The following INSIG1 variants were observed in gnomAD, a reference collection of about 807,000 sequenced individuals.
INSIG1 encodes insulin induced gene 1.
In INSIG1, 14 loss-of-function variants were observed where a neutral mutation model predicts 26.5. That is an observed-to-expected ratio of 0.53 (90% confidence interval 0.35 to 0.83). The LOEUF is 0.83. INSIG1 is among the 40% of genes least tolerant of loss of function. INSIG1 has a pLI of 0.01. For synonymous variants in INSIG1, 147 were observed against 153.3 expected, an observed-to-expected ratio of 0.96 and a Z score of 0.30; for missense variants, 272 against 368.9, an observed-to-expected ratio of 0.74 and a Z score of 2.15.
At chr7:155,306,486 T>G (rs192234989) in intron 5 of INSIG1, among the ~76,000 whole-genome samples, 9 of 152,344 alleles carry the variant, frequency 5.9e-5, no homozygotes, top group Middle Eastern at 6.8e-3. Context: ...CCCACCTCAG[T>G]GTCAGCTTGG....
Position 155,300,989 on chromosome 7 carries a change from G to A in INSIG1, c.413-577G>A, listed in dbSNP as rs931766411. Among the ~76,000 whole-genome samples, 5 of 152,270 alleles carry A rather than the reference G, an allele frequency of 3.3e-5. No homozygotes were observed. The East Asian group carries it at 5.8e-4, about 18-fold the overall frequency. On this transcript the variant is annotated intron_variant, in intron 2 of 5. Coordinates refer to ENST00000340368, the MANE Select transcript of INSIG1 (RefSeq NM_005542.6). Reference sequence around the variant, plus strand: ...GTGCACAGTAGGTGCTCAGTGCCTCGTACAGAACATGCTAGAACCCCCGAA... The same window carrying A: ...GTGCACAGTAGGTGCTCAGTGCCTCATACAGAACATGCTAGAACCCCCGAA...
Position 155,302,757 on chromosome 7 carries a change from C to G in INSIG1, c.715C>G (p.Pro239Ala). 6.2e-7 allele frequency: 1 copy of G among 1,608,618 alleles called. No homozygotes were observed. Among genetic ancestry groups the G allele is most frequent in the Non-Finnish European group, 8.5e-7 (1 of 1,175,350 alleles). Residue 239 changes from proline to alanine, a missense_variant, in exon 5 of 6, where the codon CCA becomes GCA. Pro to Ala is a conservative substitution (Grantham distance 27, BLOSUM62 -1). This residue lies in a region of INSIG1 where 111 missense variants were observed against 189.8 expected (regional missense o/e 0.58). Transcript: ENST00000340368. This position sits in a 1 kb window ranked among gnomAD's most constrained non-coding sequence, Gnocchi z 4.3. ...VYNGVYQYTS[P>A]DFLYIRSWLP... The stretch of plus-strand genomic sequence containing the variant: ...CTTTTCTCGCTCCAGGTATACATCC[C>G]CAGATTTCCTCTATATTCGTTCTTG...
At chr7:155,306,178 T>C (rs1797930684) in intron 5 of INSIG1, among the ~76,000 whole-genome samples, 2 of 152,174 alleles carry the variant, frequency 1.3e-5, no homozygotes, top group African/African-American at 4.8e-5. Context: ...TTTTCTGTTT[T>C]TAGTAGAGAC....
Position 155,308,695 on chromosome 7 carries a change from G to A in INSIG1, c.*425G>A. ...ACAAACATGAAGTATGGTGTAATAG[G>A]AATAATATTTATCCAAAAGATTTTT... On this transcript the variant is annotated 3_prime_UTR_variant, in exon 6 of 6. Coordinates refer to ENST00000340368, the MANE Select transcript of INSIG1 (RefSeq NM_005542.6). The A allele has an allele frequency of 6.3e-6, 1 of 159,154 alleles. No homozygotes were observed. The highest frequency in any genetic ancestry group is 1.4e-5 in the Non-Finnish European group (1 of 72,402). 9.9% of individuals were successfully genotyped at this position (159,154 alleles called of 1,614,324 possible). A position where few individuals can be genotyped will look rare whatever the true frequency, so the allele number is the denominator to read the frequency against.
At position 155,298,444 on chromosome 7, in the gene INSIG1, C is replaced by A; in HGVS notation, c.159C>A (p.Ala53=). 1 of 1,555,442 alleles carries A rather than the reference C, an allele frequency of 6.4e-7. No homozygotes were observed. Among genetic ancestry groups the A allele is most frequent in the East Asian group, 2.4e-5 (1 of 41,620 alleles). ...SGPSLLAAHG[A]PDADPAPRGR... The stretch of plus-strand genomic sequence containing the variant: ...CCTCCCTGCTGGCGGCCCACGGTGC[C>A]CCGGACGCTGACCCCGCGCCCAGGG... Residue 53 remains alanine (A), a synonymous_variant, in exon 2 of 6, where the codon GCC becomes GCA. Coordinates refer to ENST00000340368, the MANE Select transcript of INSIG1 (RefSeq NM_005542.6).
At chr7:155,299,120 G>A (rs1797716461) in intron 2 of INSIG1, among the ~76,000 whole-genome samples, 1 of 152,212 alleles carries the variant, frequency 6.6e-6, no homozygotes. Flanking sequence ...CTACCCTGCT[G>A]GATAACTGAA....
chr7:155,307,583 T>A (rs1181201696), intron 5 of INSIG1, among the ~76,000 whole-genome samples: 1 of 152,224 alleles, frequency 6.6e-6, no homozygotes, highest in Non-Finnish European at 1.5e-5. Context: ...AACTGTAGTG[T>A]CTACCTCTCA....
Position 155,298,459 on chromosome 7 carries a change from C to A in INSIG1, c.174C>A (p.Pro58=). ...LAAHGAPDAD[P]APRGRSAAMS... ...CCCACGGTGCCCCGGACGCTGACCC[C>A]GCGCCCAGGGGCCGCAGTGCTGCGA... The change falls in exon 2 of 6, where the codon CCC becomes CCA. Residue 58 remains proline, a synonymous_variant. Coordinates refer to ENST00000340368, the MANE Select transcript of INSIG1 (RefSeq NM_005542.6). 6.4e-7 allele frequency: 1 copy of A among 1,556,932 alleles called. No homozygotes were observed.
At chr7:155,303,076 C>T (rs1030551815) in intron 5 of INSIG1, 3 of 400,172 alleles carry the variant, frequency 7.5e-6, no homozygotes, top group African/African-American at 4.0e-5. Flanking sequence ...AGCCCTCGCA[C>T]TGCCCCTTTG....
chr7:155,302,368 T>C lies in INSIG1; in HGVS notation c.655T>C (p.Phe219Leu). The change falls in exon 4 of 6, where the codon TTT becomes CTT. Residue 219 changes from phenylalanine (F) to leucine (L), a missense_variant. This residue lies in a region of INSIG1 where 111 missense variants were observed against 189.8 expected (regional missense o/e 0.58). Transcript: ENST00000340368. The surrounding 1 kb of genome is among the most constrained non-coding windows in gnomAD (Gnocchi z 4.3). Reference sequence around the variant, plus strand: ...CCTTGGGCTGGGGATCACCATAGCTTTTCTAGCTACGCTGATCACGCAGTT... The same window carrying C: ...CCTTGGGCTGGGGATCACCATAGCTCTTCTAGCTACGCTGATCACGCAGTT... Reference protein sequence around the residue: ...SGLGLGITIAFLATLITQFLV... With the variant: ...SGLGLGITIALLATLITQFLV... The C allele has an allele frequency of 1.2e-6, 2 of 1,610,732 alleles. No individual in the cohort carries two copies. The highest frequency in any genetic ancestry group is 1.7e-6 in the Non-Finnish European group (2 of 1,178,572).
intron 5 of INSIG1, among the ~76,000 whole-genome samples, chr7:155,307,398 C>T (rs1382720716): frequency 6.6e-6 from 1 of 152,132 alleles, no homozygotes; most frequent in African/African-American, 2.4e-5. Flanking sequence ...AATTAAGTAA[C>T]GTGGGAAGTC....
rs1300189272 is a variant in INSIG1 at position 155,298,402 on chromosome 7, C to A, written c.117C>A (p.Asn39Lys). 1 of 1,562,158 alleles carries A rather than the reference C, an allele frequency of 6.4e-7. No individual in the cohort carries two copies. Among genetic ancestry groups the A allele is most frequent in the South Asian group, 1.2e-5 (1 of 85,602 alleles). The change falls in exon 2 of 6, where the codon AAC becomes AAA. Residue 39 changes from asparagine (N) to lysine (K), a missense_variant. Around this residue, in one of 2 missense-constraint regions of INSIG1, gnomAD observed 161 missense variants for 179.2 expected, o/e 0.90. Transcript: ENST00000340368. ...GLAAKVGEMI[N>K]VSVSGPSLLA... ...CGGCCAAGGTTGGGGAGATGATCAA[C>A]GTTTCCGTGTCCGGGCCCTCCCTGC...
In INSIG1 at chr7:155,309,194, G is replaced by C. The variant is rs753403107; in HGVS notation, c.*924G>C. 2 of 152,526 alleles carry C rather than the reference G, an allele frequency of 1.3e-5. No homozygotes were observed. The highest frequency in any genetic ancestry group is 2.4e-5 in the African/African-American group (1 of 41,430). The allele number at this position is 152,526 out of a possible 1,614,324, so 9.4% of individuals were successfully genotyped here. On this transcript the variant is annotated 3_prime_UTR_variant, in exon 6 of 6. Transcript: ENST00000340368. ...GAGTGCATATGGCACTGCATTAAACGTGTGGTGTTTCTAGTCAATGATATT... is the reference window on the plus strand; with the variant it reads ...GAGTGCATATGGCACTGCATTAAACCTGTGGTGTTTCTAGTCAATGATATT...
At position 155,302,791 on chromosome 7, in the gene INSIG1, G is replaced by A; in HGVS notation, c.749G>A (p.Cys250Tyr). ...DFLYIRSWLP[C>Y]IFFSGGVTVG... ...CTCTATATTCGTTCTTGGCTCCCTTGTATATTTTTCTCAGGAGGCGTCACG... is the reference window on the plus strand; with the variant it reads ...CTCTATATTCGTTCTTGGCTCCCTTATATATTTTTCTCAGGAGGCGTCACG... The change falls in exon 5 of 6, where the codon TGT becomes TAT. Residue 250 changes from cysteine to tyrosine, a missense_variant. Cys to Tyr is a radical substitution (Grantham distance 194). Transcript: ENST00000340368. This position sits in a 1 kb window ranked among gnomAD's most constrained non-coding sequence, Gnocchi z 4.3. The A allele has an allele frequency of 6.2e-7, 1 of 1,612,954 alleles. No homozygotes were observed. Among genetic ancestry groups the A allele is most frequent in the Non-Finnish European group, 8.5e-7 (1 of 1,179,056 alleles).
chr7:155,304,425 TC>T (rs1797880048), intron 5 of INSIG1, among the ~76,000 whole-genome samples: 1 of 152,252 alleles, frequency 6.6e-6, no homozygotes, highest in Non-Finnish European at 1.5e-5. Flanking sequence ...GGGAGAGAAT[TC>T]CTAAGAAGGT....
At chr7:155,306,466 CAG>C (rs1797937419) in intron 5 of INSIG1, among the ~76,000 whole-genome samples, 2 of 152,244 alleles carry the variant, frequency 1.3e-5, no homozygotes, top group South Asian at 4.1e-4. Context: ...CACCTGGAGG[CAG>C]AGTCCCGCCC....
chr7:155,300,371 T>TG (rs1170540168), intron 2 of INSIG1, among the ~76,000 whole-genome samples: 4 of 152,220 alleles, frequency 2.6e-5, no homozygotes, highest in Non-Finnish European at 5.9e-5. Flanking sequence ...AAAGTTAATT[T>TG]GGGGGGTCCA....
rs538896221 is a variant in INSIG1, at chr7:155,309,175, A to G, written c.*905A>G. The G allele has an allele frequency of 8.5e-5, 13 of 152,684 alleles. No homozygotes were observed. In the South Asian group the frequency reaches 1.7e-3, roughly 19 times the overall value. 9.5% of individuals were successfully genotyped at this position (152,684 alleles called of 1,614,324 possible). ...GATTGCCTTGTAAAAAGGAGAGTGC[A>G]TATGGCACTGCATTAAACGTGTGGT... On this transcript the variant is annotated 3_prime_UTR_variant, in exon 6 of 6. Coordinates refer to ENST00000340368, the MANE Select transcript of INSIG1 (RefSeq NM_005542.6).
rs751456328 is a variant in INSIG1 at position 155,298,513 on chromosome 7, C to T, written c.228C>T (p.Tyr76=). ...AMSGPEPGSP[Y]PNTWHHRLLQ... ...GCGGCCCCGAGCCCGGCAGCCCCTA[C>T]CCCAACACCTGGCATCATCGCCTGT... The change falls in exon 2 of 6, where the codon TAC becomes TAT. Residue 76 remains tyrosine, a synonymous_variant. Coordinates refer to ENST00000340368, the MANE Select transcript of INSIG1 (RefSeq NM_005542.6). The T allele has an allele frequency of 6.3e-7, 1 of 1,589,512 alleles. No individual in the cohort carries two copies. The highest frequency in any genetic ancestry group is 8.6e-7 in the Non-Finnish European group (1 of 1,168,286).
Sources: gnomAD v4.1 joint callset for allele counts (sites outside exome capture counted in the v4.1 genomes callset) on GRCh38, gnomAD v4.1.1 for gene constraint, gnomAD v4.1.1 regional missense constraint, Gnocchi (gnomAD v3.1) non-coding constraint, MANE v1.5 for transcripts, NCBI Gene and HGNC (gene_info 2026-07-23, HGNC 2026-07-21) for gene names.